Variants in FRYL observed in about 807,000 individuals in gnomAD.
FRYL encodes protein furry homolog-like.
FRYL carries 150 observed loss-of-function variants against 351.2 expected under a neutral mutation model. That is an observed-to-expected ratio of 0.43 (90% CI 0.37 to 0.49). The LOEUF (loss-of-function observed/expected upper bound fraction) is 0.49, where lower values mean the gene tolerates loss of function less well. Among genes scored for constraint, FRYL ranks in the 20% least tolerant of loss-of-function variants. The probability of loss-of-function intolerance (pLI) is 0.00; values close to 1 mark genes in which losing one functional copy is unlikely to be tolerated. For synonymous variants in FRYL, 1,153 were observed against 1,257.1 expected (o/e 0.92, Z 1.75); for missense variants, 3,036 against 3,619.3 (o/e 0.84, Z 4.13).
intron 3 of FRYL, among the ~76,000 whole-genome samples, chr4:48,651,705 A>G (rs1338365244): frequency 6.6e-6 from 1 of 152,340 alleles, no homozygotes; most frequent in South Asian, 2.1e-4. Context: ...TTGATGTTAC[A>G]AAAACATTCC....
At chr4:48,648,704 C>A (rs62309720) in intron 3 of FRYL, among the ~76,000 whole-genome samples, 485 of 152,130 alleles carry the variant, frequency 3.2e-3, no homozygotes, top group Non-Finnish European at 5.2e-3. Flanking sequence ...GAACATTATT[C>A]AATACATGTT....
intron 5 of FRYL, among the ~76,000 whole-genome samples, chr4:48,621,757 C>T (rs1750685228): frequency 6.6e-6 from 1 of 152,094 alleles, no homozygotes; most frequent in African/African-American, 2.4e-5. Flanking sequence ...CCTGTTATTT[C>T]ATATTCTGCA....
intron 13 of FRYL, among the ~76,000 whole-genome samples, chr4:48,598,622 T>C (rs1270121287): frequency 2.6e-5 from 4 of 152,220 alleles, no homozygotes. Context: ...GTCAGTTCTA[T>C]TTCTTAAATT....
At chr4:48,544,042 ATAC>A in intron 43 of FRYL, 45 bp from the exon 44 acceptor site, 7 of 1,520,612 alleles carry the variant, frequency 4.6e-6, no homozygotes, top group Non-Finnish European at 6.4e-6. Context: ...GTTCTTTAGA[ATAC>A]TAATGGGGTT....
At chr4:48,609,715 C>G in intron 8 of FRYL, 29 bp downstream of exon 8, 1 of 1,176,950 alleles carries the variant, frequency 8.5e-7, no homozygotes. Flanking sequence ...CAAAAAAAGG[C>G]AACAATCCCA....
At position 48,589,734 on chromosome 4, in the gene FRYL, T is replaced by A. The variant is rs1227913173; in HGVS notation, c.1640+11A>T. On this transcript the variant is annotated intron_variant, in intron 18 of 63. Coordinates refer to ENST00000358350, the MANE Select transcript of FRYL (RefSeq NM_015030.2). ...TGAAATAGCAATGAAGGCACATAAT[T>A]TACTACATACGTAATCATGTCTTCA... The A allele has an allele frequency of 2.5e-6, 4 of 1,610,970 alleles. No individual in the cohort carries two copies. In the African/African-American group the frequency reaches 5.4e-5, roughly 22 times the overall value.
chr4:48,778,027 T>A (rs1237289010), intron 1 of FRYL, among the ~76,000 whole-genome samples: 4 of 151,980 alleles, frequency 2.6e-5, no homozygotes, highest in Admixed American at 6.6e-5. Flanking sequence ...GAGACCACCA[T>A]CTCTACAAAA....
chr4:48,504,517 A>T (rs1469650171), intron 60 of FRYL, among the ~76,000 whole-genome samples: 2 of 152,136 alleles, frequency 1.3e-5, no homozygotes, highest in Non-Finnish European at 2.9e-5. Flanking sequence ...CAGAATTAGA[A>T]CCAAAGGATT....
At chr4:48,546,338 A>ATT in intron 41 of FRYL, 67 bp from the exon 42 acceptor site, 1 of 1,264,746 alleles carries the variant, frequency 7.9e-7, no homozygotes, top group Non-Finnish European at 1.1e-6. Context: ...CTATAGAATT[A>ATT]AACTGTTGTT....
chr4:48,579,211 C>T lies in FRYL; in HGVS notation c.2290G>A (p.Asp764Asn). The stretch of plus-strand genomic sequence containing the variant: ...TTCCATTCTGCTAAAGTTTGTAAAT[C>T]TATCGAGCTAGGGCAATAGAGCAAA... ...TTLLYCPSSI[D>N]LQTLAEWNSS... is the part of the protein sequence containing the mutation. The change falls in exon 23 of 64, where the codon GAT becomes AAT. Residue 764 changes from aspartate to asparagine, a missense_variant. Asp to Asn is a conservative substitution (Grantham distance 23). Around this residue, in one of 7 missense-constraint regions of FRYL, gnomAD observed 492 missense variants for 551.5 expected, o/e 0.89. Transcript: ENST00000358350. 6.2e-7 allele frequency: 1 copy of T among 1,613,450 alleles called. No homozygotes were observed. The highest frequency in any genetic ancestry group is 8.5e-7 in the Non-Finnish European group (1 of 1,179,662).
chr4:48,579,111 C>T lies in FRYL; in HGVS notation c.2390G>A (p.Gly797Asp). 2 of 1,613,982 alleles carry T rather than the reference C, an allele frequency of 1.2e-6. No individual in the cohort carries two copies. The highest frequency in any genetic ancestry group is 2.2e-5 in the East Asian group (1 of 44,860). The part of the protein sequence containing the change: ...HIWIFAHVTQ[G>D]QDPWIISLSS... Reference sequence around the variant, plus strand: ...GAGACTTATAATCCATGGGTCTTGGCCTTGGGTCACATGTGCAAATATCCA... The same window carrying T: ...GAGACTTATAATCCATGGGTCTTGGTCTTGGGTCACATGTGCAAATATCCA... Residue 797 changes from glycine (G) to aspartate (D), a missense_variant, in exon 23 of 64, where the codon GGC (glycine) becomes GAC (aspartate). By Grantham distance (94) the Gly-to-Asp change is moderately conservative. This residue lies in a region of FRYL where 492 missense variants were observed against 551.5 expected (regional missense o/e 0.89). Coordinates refer to ENST00000358350, the MANE Select transcript of FRYL (RefSeq NM_015030.2).
chr4:48,621,980 G>A (rs1313053489), intron 5 of FRYL, among the ~76,000 whole-genome samples: 1 of 151,910 alleles, frequency 6.6e-6, no homozygotes, highest in African/African-American at 2.4e-5. Context: ...CATTAACAAT[G>A]AACACTATCA....
intron 3 of FRYL, chr4:48,681,141 C>T (rs1764546730): frequency 1.7e-6 from 2 of 1,179,594 alleles, no homozygotes; most frequent in African/African-American, 1.6e-5. Flanking sequence ...GGTTCTTCTA[C>T]ATTACTAGGC....
At chr4:48,546,577 C>T in intron 41 of FRYL, 1 of 301,616 alleles carries the variant, frequency 3.3e-6, no homozygotes, top group Non-Finnish European at 6.2e-6. Context: ...ATTTTGTCAA[C>T]ATCGCTTGTC....
At chr4:48,756,838 C>A (rs1773842468) in intron 1 of FRYL, among the ~76,000 whole-genome samples, 1 of 152,124 alleles carries the variant, frequency 6.6e-6, no homozygotes, top group Non-Finnish European at 1.5e-5. Context: ...GTCCAAGCTA[C>A]TTGGGAGGCT....
chr4:48,557,803 TA>T lies in FRYL; in HGVS notation c.3866-92del, dbSNP rs1734450071. ...CCAACAGATTTCAGAAGCCAGATTT[TA>T]TTCATTTTACTCATTACACTTAACA... is the stretch of plus-strand genomic sequence containing the variant. On this transcript the variant is annotated intron_variant, in intron 33 of 63. Coordinates refer to ENST00000358350, the MANE Select transcript of FRYL (RefSeq NM_015030.2). 6.2e-6 allele frequency: 9 copies of T among 1,446,566 alleles called. No homozygotes were observed. In the South Asian group the frequency reaches 1.2e-4, roughly 19 times the overall value. The allele number at this position is 1,446,566 out of a possible 1,614,324, so 89.6% of individuals were successfully genotyped here.
At chr4:48,554,619 G>A (rs1232863398) in intron 35 of FRYL, among the ~76,000 whole-genome samples, 20 of 152,134 alleles carry the variant, frequency 1.3e-4, no homozygotes, top group Admixed American at 3.9e-4. Context: ...GATTACAGGC[G>A]TGAGCCACAG....
intron 4 of FRYL, among the ~76,000 whole-genome samples, chr4:48,632,094 A>ATG (rs1753207603): frequency 7.2e-5 from 1 of 13,866 alleles, no homozygotes; most frequent in African/African-American, 1.6e-4. Flanking sequence ...AAAAAAAAAT[A>ATG]TATATATATA....
chr4:48,750,549 G>T (rs1429539770), intron 1 of FRYL, among the ~76,000 whole-genome samples: 1 of 152,154 alleles, frequency 6.6e-6, no homozygotes, highest in African/African-American at 2.4e-5. Context: ...GGCAAGCAAT[G>T]GTAGCAGCTT....
Sources: allele counts gnomAD v4.1 joint callset (sites outside exome capture counted in the v4.1 genomes callset), GRCh38; gene constraint gnomAD v4.1.1; regional missense constraint gnomAD v4.1.1; transcripts MANE v1.5; gene names NCBI Gene and HGNC (gene_info 2026-07-23, HGNC 2026-07-21).